The following MCTP1 variants were observed in gnomAD, a reference collection of about 807,000 sequenced individuals.
MCTP1 encodes the protein multiple C2 and transmembrane domain-containing protein 1.
A neutral mutation model predicts 120.6 loss-of-function variants in MCTP1; 69 were observed. That is an observed-to-expected ratio of 0.57 (90% CI 0.47 to 0.70). The LOEUF is 0.70. Ranked by LOEUF, MCTP1 falls within the 30% of genes least tolerant of loss-of-function variation. MCTP1 has a pLI of 0.00. For missense variants in MCTP1, 1,203 were observed against 1,248.8 expected, an observed-to-expected ratio of 0.96 and a Z score of 0.55; for synonymous variants, 529 against 493.1, an observed-to-expected ratio of 1.07 and a Z score of -0.96.
At position 95,284,933 on chromosome 5, in the gene MCTP1, C is replaced by T. The variant is rs992386445; in HGVS notation, c.-358G>A. Among the ~76,000 whole-genome samples the T allele has an allele frequency of 6.6e-6, 1 of 152,158 alleles. No individual in the cohort carries two copies. The highest frequency in any genetic ancestry group is 6.5e-5 in the Admixed American group (1 of 15,288). ...CGTCCCCCAGGCCGCGCCCTGGCTC[C>T]CTCTTCTCTCTGACCGAGCTCGGGA... On this transcript the variant is annotated 5_prime_UTR_variant, in exon 1 of 23. Coordinates refer to ENST00000515393, the MANE Select transcript of MCTP1 (RefSeq NM_024717.7). The surrounding 1 kb of genome is among the most constrained non-coding windows in gnomAD (Gnocchi z 5.2).
At chr5:94,785,672 A>AT (rs1202928742) in intron 18 of MCTP1, among the ~76,000 whole-genome samples, 1 of 152,096 alleles carries the variant, frequency 6.6e-6, no homozygotes, top group African/African-American at 2.4e-5. Context: ...TTTAGAACCA[A>AT]TTTTTCCATT....
intron 1 of MCTP1, among the ~76,000 whole-genome samples, chr5:95,120,540 C>T (rs1758147183): frequency 3.3e-5 from 5 of 152,110 alleles, no homozygotes; most frequent in Admixed American, 3.3e-4. Context: ...ATATGCAAAT[C>T]AAACAATGGG....
chr5:94,850,664 C>T (rs1329817364), intron 17 of MCTP1, among the ~76,000 whole-genome samples: 1 of 151,930 alleles, frequency 6.6e-6, no homozygotes, highest in Non-Finnish European at 1.5e-5. Context: ...GCATTGTTTC[C>T]CTCTTTATCT....
intron 1 of MCTP1, among the ~76,000 whole-genome samples, chr5:95,188,313 T>A (rs1037674256): frequency 3.3e-5 from 5 of 152,210 alleles, no homozygotes; most frequent in African/African-American, 1.2e-4. Context: ...GCTGGAAATG[T>A]AAAACGGTAC....
At chr5:95,232,342 C>G (rs964718084) in intron 1 of MCTP1, among the ~76,000 whole-genome samples, 1 of 150,660 alleles carries the variant, frequency 6.6e-6, no homozygotes, top group African/African-American at 2.4e-5. Flanking sequence ...TGAATCATAT[C>G]AATAATAATA....
intron 12 of MCTP1, among the ~76,000 whole-genome samples, chr5:94,879,791 G>A (rs370239110): frequency 1.3e-5 from 2 of 152,144 alleles, no homozygotes; most frequent in East Asian, 1.9e-4. Flanking sequence ...ATCCCTGAAC[G>A]GGTCTTGGGG....
intron 7 of MCTP1, among the ~76,000 whole-genome samples, chr5:94,923,568 C>T (rs908401036): frequency 2.6e-5 from 4 of 151,934 alleles, no homozygotes; most frequent in African/African-American, 9.7e-5. Context: ...ATCACTGTAA[C>T]AGAAGTAAAT....
chr5:94,958,810 A>G (rs1823364734), intron 2 of MCTP1, among the ~76,000 whole-genome samples: 1 of 152,210 alleles, frequency 6.6e-6, no homozygotes, highest in South Asian at 2.1e-4. Flanking sequence ...CCATGACCAG[A>G]TGGATTCACA....
chr5:95,100,925 A>G (rs188504164), intron 1 of MCTP1, among the ~76,000 whole-genome samples: 93 of 152,298 alleles, frequency 6.1e-4, no homozygotes, highest in African/African-American at 2.0e-3. Flanking sequence ...TATTCCAATT[A>G]TTTCCCCCAA....
intron 12 of MCTP1, among the ~76,000 whole-genome samples, chr5:94,875,547 T>C (rs1009309379): frequency 1.3e-5 from 2 of 151,612 alleles, no homozygotes; most frequent in African/African-American, 4.8e-5. Context: ...GAAAATAAGG[T>C]AGAGAAAGGA....
intron 19 of MCTP1, among the ~76,000 whole-genome samples, chr5:94,716,442 G>A (rs898730912): frequency 1.3e-5 from 2 of 151,430 alleles, no homozygotes; most frequent in Non-Finnish European, 2.9e-5. Flanking sequence ...GCACGTTAGA[G>A]TAAAATGAAT....
intron 19 of MCTP1, 33 bp from the exon 20 acceptor site, chr5:94,714,919 G>A (rs1204662051): frequency 6.5e-6 from 8 of 1,228,166 alleles, no homozygotes; most frequent in African/African-American, 3.0e-5. Flanking sequence ...TTCTGTATGA[G>A]TAAAGGTATT....
intron 19 of MCTP1, 65 bp from the exon 20 acceptor site, chr5:94,714,951 T>C: frequency 1.1e-6 from 1 of 935,214 alleles, no homozygotes; most frequent in Admixed American, 1.9e-5. Context: ...GAATTCTTTG[T>C]GTTGTCCCTC....
At chr5:95,267,379 G>C (rs746027050) in intron 1 of MCTP1, among the ~76,000 whole-genome samples, 1 of 152,008 alleles carries the variant, frequency 6.6e-6, no homozygotes, top group East Asian at 1.9e-4. Flanking sequence ...ACCTAGGCTC[G>C]GAAATGTGCT....
rs1211529200 is a variant in MCTP1, at chr5:94,912,466, A to AAAAAAAAAAAAAAAAAAAAAG, written c.1521+339_1521+340insCTTTTTTTTTTTTTTTTTTTT. The stretch of plus-strand genomic sequence containing the variant: ...AAAAAAAAAAAAAAAAAAAAAAAAA[A>AAAAAAAAAAAAAAAAAAAAAG]GCCGCACTCTGAGTACTTTATGTGC... On this transcript the variant is annotated intron_variant, in intron 9 of 22. Coordinates refer to ENST00000515393, the MANE Select transcript of MCTP1 (RefSeq NM_024717.7). Among the ~76,000 whole-genome samples, 25 of 92,096 alleles carry AAAAAAAAAAAAAAAAAAAAAG rather than the reference A, an allele frequency of 2.7e-4. 6 individuals carry two copies. The highest frequency in any genetic ancestry group is 8.9e-4 in the East Asian group (3 of 3,356). The allele number at this position is 92,096 out of a possible 152,430, so 60.4% of individuals were successfully genotyped here.
chr5:95,276,941 G>A (rs927950558), intron 1 of MCTP1, among the ~76,000 whole-genome samples: 3 of 152,032 alleles, frequency 2.0e-5, no homozygotes, highest in South Asian at 4.2e-4. Context: ...CACAGAGGGA[G>A]ACTCGGTCTC....
At chr5:95,213,667 T>C (rs1752675801) in intron 1 of MCTP1, among the ~76,000 whole-genome samples, 1 of 151,290 alleles carries the variant, frequency 6.6e-6, no homozygotes, top group South Asian at 2.1e-4. Flanking sequence ...AAAACAGAGA[T>C]ATAGATCAAT....
intron 19 of MCTP1, among the ~76,000 whole-genome samples, chr5:94,715,377 A>C (rs815833): frequency 4.7e-5 from 7 of 150,444 alleles, no homozygotes; most frequent in East Asian, 3.9e-4. Flanking sequence ...AAAAAAAAAA[A>C]AAAAAAAAAA....
At chr5:95,220,995 A>G (rs779257534) in intron 1 of MCTP1, among the ~76,000 whole-genome samples, 2 of 152,246 alleles carry the variant, frequency 1.3e-5, no homozygotes, top group Non-Finnish European at 1.5e-5. Context: ...AAAAGGACCT[A>G]AAGTGCTTAA....
Sources: gnomAD v4.1 joint callset for allele counts (sites outside exome capture counted in the v4.1 genomes callset) on GRCh38, gnomAD v4.1.1 for gene constraint, Gnocchi (gnomAD v3.1) non-coding constraint, MANE v1.5 for transcripts, NCBI Gene and HGNC (gene_info 2026-07-23, HGNC 2026-07-21) for gene names.